The following DENND4A variants were observed in gnomAD, a reference collection of about 807,000 sequenced individuals.
DENND4A encodes C-myc promoter-binding protein.
Under a neutral mutation model 199.3 loss-of-function variants are expected in DENND4A, and 70 were observed. The ratio of observed to expected loss-of-function variants is 0.35; its 90% CI spans 0.29 to 0.43. The LOEUF (loss-of-function observed/expected upper bound fraction) is 0.43, where lower values mean the gene tolerates loss of function less well. Among genes scored for constraint, DENND4A ranks in the 20% least tolerant of loss-of-function variants. DENND4A has a pLI of 1.00. For missense variants in DENND4A, 1,723 were observed against 2,255.8 expected (o/e 0.76, Z 4.78); for synonymous variants, 686 against 766.9 (o/e 0.89, Z 1.74).
At chr15:65,681,412 TA>T (rs2076568280) in intron 23 of DENND4A, 2 of 152,274 alleles carry the variant, frequency 1.3e-5, no homozygotes, top group Admixed American at 1.3e-4. Flanking sequence ...AATCACCACC[TA>T]TTATGGCTAT....
At chr15:65,723,479 C>T (rs188288825) in intron 11 of DENND4A, among the ~76,000 whole-genome samples, 60 of 152,080 alleles carry the variant, frequency 3.9e-4, no homozygotes, top group Non-Finnish European at 7.4e-4. Flanking sequence ...AAGAAATAAC[C>T]TATTATACTA....
chr15:65,758,405 C>T lies in DENND4A; in HGVS notation c.-22-1933G>A, dbSNP rs527514201. Among the ~76,000 whole-genome samples, 9 of 152,310 alleles carry T rather than the reference C, an allele frequency of 5.9e-5. No individual in the cohort carries two copies. In the East Asian group the frequency reaches 1.5e-3, roughly 26 times the overall value. On this transcript the variant is annotated intron_variant, in intron 2 of 32. Coordinates refer to ENST00000443035, the MANE Select transcript of DENND4A (RefSeq NM_001320835.1). ...CATGGCTCACTGCAGCCTTGACCAC[C>T]TGGGCTCAAGCAATCCTCCTGCCTC...
chr15:65,691,149 A>G lies in DENND4A; in HGVS notation c.3445T>C (p.Phe1149Leu), dbSNP rs2076956343. The part of the protein sequence containing the change: ...EKESSDDDTP[F>L]DGSNYLADKV... ...TCTGCCAAATAGTTAGAACCATCAA[A>G]AGGTGTATCATCATCACTAGATTCC... The change falls in exon 23 of 33, where the codon TTT (phenylalanine) becomes CTT (leucine). Residue 1149 changes from phenylalanine (F) to leucine (L), a missense_variant. This residue lies in a region of DENND4A where 650 missense variants were observed against 738.1 expected (regional missense o/e 0.88). Coordinates refer to ENST00000443035, the MANE Select transcript of DENND4A (RefSeq NM_001320835.1). The G allele has an allele frequency of 6.2e-7, 1 of 1,613,448 alleles. No individual in the cohort carries two copies. Among genetic ancestry groups the G allele is most frequent in the African/African-American group, 1.3e-5 (1 of 75,016 alleles).
intron 23 of DENND4A, among the ~76,000 whole-genome samples, chr15:65,682,525 T>C (rs570577420): frequency 3.9e-5 from 6 of 152,356 alleles, no homozygotes; most frequent in Admixed American, 3.3e-4. Context: ...ATATTGTGGC[T>C]GATGTGATCT....
chr15:65,756,338 A>G lies in DENND4A; in HGVS notation c.113T>C (p.Val38Ala), dbSNP rs2076700240. ...EIHFNDACHKVAKPKEPITDV... is the reference protein window; with the variant it reads ...EIHFNDACHKAAKPKEPITDV... ...TGTAATAGGTTCTTTTGGTTTAGCTACTTTATGACAAGCATCATTGAAGTG... is the reference window on the plus strand; with the variant it reads ...TGTAATAGGTTCTTTTGGTTTAGCTGCTTTATGACAAGCATCATTGAAGTG... Residue 38 changes from valine (V) to alanine (A), a missense_variant, in exon 3 of 33, where the codon GTA becomes GCA. Transcript: ENST00000443035. 6.2e-7 allele frequency: 1 copy of G among 1,613,796 alleles called. No homozygotes were observed. Among genetic ancestry groups the G allele is most frequent in the Admixed American group, 1.7e-5 (1 of 59,988 alleles).
intron 32 of DENND4A, 79 bp downstream of exon 32, chr15:65,664,251 A>G: frequency 1.3e-6 from 1 of 796,214 alleles, no homozygotes; most frequent in Non-Finnish European, 2.0e-6. Context: ...CTAATAAAGT[A>G]TAACTACTAA....
In DENND4A at chr15:65,676,141, AATAT is replaced by A. The variant is rs57613461; in HGVS notation, c.4369+300_4369+303del. On this transcript the variant is annotated intron_variant, in intron 24 of 32. Coordinates refer to ENST00000443035, the MANE Select transcript of DENND4A (RefSeq NM_001320835.1). ...AGAAGACAGGGAAGTAATAAGGAAAAATATATATATATATATATATATATACCTA... is the reference window on the plus strand; with the variant it reads ...AGAAGACAGGGAAGTAATAAGGAAAAATATATATATATATATATATACCTA... Among the ~76,000 whole-genome samples, 15 of 110,450 alleles carry A rather than the reference AATAT, an allele frequency of 1.4e-4. No homozygotes were observed. The East Asian group carries it at 2.4e-3, about 18-fold the overall frequency. 72.5% of individuals were successfully genotyped at this position (110,450 alleles called of 152,430 possible). A position where few individuals can be genotyped will look rare whatever the true frequency, so the allele number is the denominator to read the frequency against.
intron 14 of DENND4A, among the ~76,000 whole-genome samples, chr15:65,706,975 T>A (rs928265399): frequency 2.6e-5 from 4 of 152,188 alleles, no homozygotes; most frequent in African/African-American, 9.6e-5. Context: ...ATCATGAGAC[T>A]GTAATCAAGA....
In DENND4A at chr15:65,752,566, T is replaced by G; in HGVS notation, c.374A>C (p.Tyr125Ser). The G allele has an allele frequency of 6.2e-7, 1 of 1,607,674 alleles. No individual in the cohort carries two copies. Among genetic ancestry groups the G allele is most frequent in the Non-Finnish European group, 8.5e-7 (1 of 1,175,952 alleles). The change falls in exon 4 of 33, where the codon TAT (tyrosine) becomes TCT (serine). Residue 125 changes from tyrosine (Y) to serine (S), a missense_variant. By Grantham distance (144) the Tyr-to-Ser change is moderately radical. Transcript: ENST00000443035. ...CCCACTAATATTTGCGGGGCGCCCA[T>G]AGGGAGTACTCTGAATAATTTCACA... ...QGCEIIQSTP[Y>S]GRPANISGST...
intron 1 of DENND4A, among the ~76,000 whole-genome samples, chr15:65,788,854 TAAAAAAAAAA>T (rs34831088): frequency 9.8e-6 from 1 of 102,380 alleles, no homozygotes; most frequent in African/African-American, 3.9e-5. Flanking sequence ...GGACTTGTCT[TAAAAAAAAAA>T]AAAAAAAAAA....
chr15:65,711,489 C>T (rs12910525), intron 14 of DENND4A, among the ~76,000 whole-genome samples: 38,149 of 151,804 alleles, frequency 0.25, 5,858 homozygotes, highest in East Asian at 0.74. Context: ...AGAGGCCCTG[C>T]CTCAAAAATA....
rs573935476 is a variant in DENND4A, at chr15:65,746,369, C to CTTTTTTTTTTTT, written c.562-4597_562-4586dup. On this transcript the variant is annotated intron_variant, in intron 4 of 32. Transcript: ENST00000443035. ...CTTGTTAACAATTCTACTTTTTTCT[C>CTTTTTTTTTTTT]TTTTTTTTTTTTTTTTTTTTTTTTT... 2.4e-3 allele frequency among the ~76,000 whole-genome samples: 125 copies of CTTTTTTTTTTTT among 51,314 alleles called. 11 individuals carry two copies. The highest frequency in any genetic ancestry group is 3.7e-3 in the Non-Finnish European group (101 of 27,586). The allele number at this position is 51,314 out of a possible 152,430, so 33.7% of individuals were successfully genotyped here.
rs142072288 is a variant in DENND4A, at chr15:65,746,136, C to T, written c.562-4352G>A. Among the ~76,000 whole-genome samples, 1,104 of 147,832 alleles carry T rather than the reference C, an allele frequency of 7.5e-3. 14 individuals carry two copies. The highest frequency in any genetic ancestry group is 0.041 in the South Asian group (194 of 4,714). ...AGCCTGGGCGACAAGAGTGAAACTC[C>T]GTCTCAAAAAAAAAAAAAAGGAATT... On this transcript the variant is annotated intron_variant, in intron 4 of 32. Coordinates refer to ENST00000443035, the MANE Select transcript of DENND4A (RefSeq NM_001320835.1).
At chr15:65,699,578 TATAA>T (rs1434429500) in intron 20 of DENND4A, among the ~76,000 whole-genome samples, 1 of 149,908 alleles carries the variant, frequency 6.7e-6, no homozygotes, top group Non-Finnish European at 1.5e-5. Context: ...TATACACATA[TATAA>T]ATACATATAC....
rs76831524 is a variant in DENND4A at position 65,724,354 on chromosome 15, C to T, written c.1488-1406G>A. On this transcript the variant is annotated intron_variant, in intron 11 of 32. Transcript: ENST00000443035. ...GGATTACAGGCAAAAGGCACTGTGACCAGCTGACTCTACTTTTTTTTGAAT... is the reference window on the plus strand; with the variant it reads ...GGATTACAGGCAAAAGGCACTGTGATCAGCTGACTCTACTTTTTTTTGAAT... Among the ~76,000 whole-genome samples the T allele has an allele frequency of 5.6e-3, 847 of 150,986 alleles. 19 individuals are homozygous for T. In the East Asian group the frequency reaches 0.068, roughly 12 times the overall value.
chr15:65,709,717 AAAATAT>A (rs1421067519), intron 14 of DENND4A, among the ~76,000 whole-genome samples: 7 of 99,546 alleles, frequency 7.0e-5, no homozygotes, highest in African/African-American at 2.8e-4. Context: ...AAAAAAAAAA[AAAATAT>A]ATATATATAT....
chr15:65,790,416 C>T (rs928283156), intron 1 of DENND4A, among the ~76,000 whole-genome samples: 5 of 152,198 alleles, frequency 3.3e-5, no homozygotes, highest in African/African-American at 7.2e-5. Context: ...GATCAATTAA[C>T]TTTCTCAGCA....
Position 65,660,475 on chromosome 15 carries a change from A to G in DENND4A, c.*1376T>C. On this transcript the variant is annotated 3_prime_UTR_variant, in exon 33 of 33. Coordinates refer to ENST00000443035, the MANE Select transcript of DENND4A (RefSeq NM_001320835.1). Reference sequence around the variant, plus strand: ...TTTCCTTCTTTAAAGCTGGCTAGGGAATTCCTTCACTAATGATAATGTGTG... The same window carrying G: ...TTTCCTTCTTTAAAGCTGGCTAGGGGATTCCTTCACTAATGATAATGTGTG... 1.8e-6 allele frequency: 1 copy of G among 543,100 alleles called. No homozygotes were observed. Among genetic ancestry groups the G allele is most frequent in the East Asian group, 2.9e-5 (1 of 34,186 alleles). 33.6% of individuals were successfully genotyped at this position (543,100 alleles called of 1,614,324 possible).
chr15:65,745,238 T>C (rs2076357715), intron 4 of DENND4A, among the ~76,000 whole-genome samples: 1 of 152,202 alleles, frequency 6.6e-6, no homozygotes, highest in African/African-American at 2.4e-5. Context: ...GCTAACAGCA[T>C]AATGTGGTCA....
Sources: gnomAD v4.1 joint callset for allele counts (sites outside exome capture counted in the v4.1 genomes callset) on GRCh38, gnomAD v4.1.1 for gene constraint, gnomAD v4.1.1 regional missense constraint, MANE v1.5 for transcripts, NCBI Gene and HGNC (gene_info 2026-07-23, HGNC 2026-07-21) for gene names.